DOCK8: variants seen among roughly 807,000 people sequenced by gnomAD.
The protein encoded by DOCK8 is dedicator of cytokinesis protein 8.
DOCK8 carries 141 observed loss-of-function variants against 245.6 expected under a neutral mutation model. The ratio of observed to expected loss-of-function variants is 0.57; its 90% CI spans 0.50 to 0.66. The LOEUF (loss-of-function observed/expected upper bound fraction) is 0.66, where lower values mean the gene tolerates loss of function less well. Ranked by LOEUF, DOCK8 falls within the 30% of genes least tolerant of loss-of-function variation. DOCK8 has a pLI of 0.00. For missense variants in DOCK8, 2,965 were observed against 2,603.4 expected (o/e 1.14, Z -3.02); for synonymous variants, 1,168 against 970.2 (o/e 1.20, Z -3.79).
chr9:418,120 A>G lies in DOCK8; in HGVS notation c.3753A>G (p.Gly1251=), dbSNP rs780463326. The G allele has an allele frequency of 6.2e-7, 1 of 1,614,216 alleles. No homozygotes were observed. Among genetic ancestry groups the G allele is most frequent in the Non-Finnish European group, 8.5e-7 (1 of 1,180,038 alleles). Residue 1251 remains glycine (G), a synonymous_variant, in exon 30 of 48, where the codon GGA becomes GGG. Transcript: ENST00000432829. ...RTSGSDEEQE[G]AGAINQNVAL... ...GTGGCTCGGATGAAGAACAAGAAGG[A>G]GCCGGTGCCATTAACCAGAATGTGG...
chr9:313,983 C>G (rs1235359793), intron 6 of DOCK8, among the ~76,000 whole-genome samples: 1 of 152,168 alleles, frequency 6.6e-6, no homozygotes, highest in Non-Finnish European at 1.5e-5. Flanking sequence ...GCAATATCAT[C>G]ATCTCCTTTC....
intron 26 of DOCK8, among the ~76,000 whole-genome samples, chr9:400,755 TCAC>T (rs1370209694): frequency 3.2e-4 from 1 of 3,100 alleles, no homozygotes; most frequent in Non-Finnish European, 5.4e-4. Flanking sequence ...ATCTTCACCA[TCAC>T]CACCACCTCC....
At chr9:408,886 A>G (rs62531897) in intron 28 of DOCK8, among the ~76,000 whole-genome samples, 6,153 of 121,014 alleles carry the variant, frequency 0.051, 372 homozygotes, top group African/African-American at 0.15. Flanking sequence ...ACACACACAC[A>G]CGCACACACG....
intron 4 of DOCK8, among the ~76,000 whole-genome samples, chr9:303,459 CAA>C (rs2049656075): frequency 6.6e-6 from 1 of 152,136 alleles, no homozygotes; most frequent in Non-Finnish European, 1.5e-5. Flanking sequence ...ACAGCCATAA[CAA>C]AGAACAAAAT....
intron 18 of DOCK8, 142 bp from the exon 19 acceptor site, chr9:376,068 T>C (rs1484273921): frequency 1.3e-5 from 9 of 711,942 alleles, no homozygotes; most frequent in Non-Finnish European, 2.0e-5. Context: ...GGCTCCTGAC[T>C]CCAAGAACAG....
intron 22 of DOCK8, among the ~76,000 whole-genome samples, chr9:385,309 G>A (rs1238872065): frequency 1.3e-5 from 2 of 151,946 alleles, no homozygotes; most frequent in African/African-American, 4.8e-5. Context: ...ATCAATGTTA[G>A]TTTCTTAGTT....
intron 1 of DOCK8, among the ~76,000 whole-genome samples, chr9:241,010 C>G (rs1317205796): frequency 6.6e-6 from 1 of 152,012 alleles, no homozygotes; most frequent in African/African-American, 2.4e-5. Flanking sequence ...TTCCTCTTAT[C>G]TTTTAGAAAA....
chr9:269,345 A>C (rs940274409), intron 1 of DOCK8, among the ~76,000 whole-genome samples: 1 of 151,318 alleles, frequency 6.6e-6, no homozygotes, highest in Non-Finnish European at 1.5e-5. Context: ...ACTTAGGATA[A>C]TGTTTCCAAG....
intron 44 of DOCK8, among the ~76,000 whole-genome samples, chr9:448,906 G>A (rs1407505690): frequency 6.6e-6 from 1 of 152,192 alleles, no homozygotes; most frequent in Non-Finnish European, 1.5e-5. Context: ...GCAGAACTTA[G>A]CAAATAGATT....
chr9:248,471 TC>T (rs1363174086), intron 1 of DOCK8, among the ~76,000 whole-genome samples: 1 of 151,146 alleles, frequency 6.6e-6, no homozygotes, highest in Non-Finnish European at 1.5e-5. Context: ...CCTTCCTCCC[TC>T]CCTCCTCTCT....
chr9:367,802 G>A (rs1022717079), intron 14 of DOCK8, among the ~76,000 whole-genome samples: 2 of 152,106 alleles, frequency 1.3e-5, no homozygotes, highest in African/African-American at 4.8e-5. Context: ...ATCTTTACTT[G>A]TAGCAAAACA....
intron 2 of DOCK8, among the ~76,000 whole-genome samples, chr9:282,952 C>A (rs1446242340): frequency 2.0e-5 from 3 of 152,124 alleles, no homozygotes; most frequent in Non-Finnish European, 4.4e-5. Flanking sequence ...TATTTACTTA[C>A]TATTATTACT....
rs374200503 is a variant in DOCK8 at position 276,598 on chromosome 9, A to G, written c.156+4869A>G. ...CCAGGTCTATTTGACACTCCTACCA[A>G]AATCCTTTGTGACCAGGGCTAGAAG... On this transcript the variant is annotated intron_variant, in intron 2 of 47. Coordinates refer to ENST00000432829, the MANE Select transcript of DOCK8 (RefSeq NM_203447.4). 1.0e-3 allele frequency among the ~76,000 whole-genome samples: 157 copies of G among 152,300 alleles called. 3 individuals carry two copies. In the South Asian group the frequency reaches 0.029, roughly 29 times the overall value.
chr9:329,770 C>T (rs1408054074), intron 9 of DOCK8, among the ~76,000 whole-genome samples: 1 of 152,208 alleles, frequency 6.6e-6, no homozygotes, highest in Non-Finnish European at 1.5e-5. Context: ...ATTAATCCGT[C>T]ATATTCTGCC....
chr9:243,082 C>G (rs1229094481), intron 1 of DOCK8, among the ~76,000 whole-genome samples: 1 of 152,086 alleles, frequency 6.6e-6, no homozygotes, highest in African/African-American at 2.4e-5. Context: ...ACTAAAGATT[C>G]TAAGCTTATT....
At chr9:301,175 G>C (rs936190177) in intron 4 of DOCK8, among the ~76,000 whole-genome samples, 6 of 152,154 alleles carry the variant, frequency 3.9e-5, no homozygotes, top group Admixed American at 6.5e-5. Context: ...TGGGATGCGA[G>C]GTTGGTTCAC....
At chr9:265,388 T>A (rs2048013408) in intron 1 of DOCK8, among the ~76,000 whole-genome samples, 1 of 152,232 alleles carries the variant, frequency 6.6e-6, no homozygotes, top group Non-Finnish European at 1.5e-5. Flanking sequence ...TTATACTGTG[T>A]GTTGTGGTTG....
In DOCK8 at chr9:463,695, C is replaced by T. The variant is rs2057883029; in HGVS notation, c.6239+8C>T. On this transcript the variant is annotated splice_region_variant and intron_variant, in intron 47 of 47. Transcript: ENST00000432829. Reference sequence around the variant, plus strand: ...AGTTGAGAGTCAAAAGAGGTAAGAACAGGGCAGAGGAGGCCTCTTCCTGTG... The same window carrying T: ...AGTTGAGAGTCAAAAGAGGTAAGAATAGGGCAGAGGAGGCCTCTTCCTGTG... 1 of 1,613,762 alleles carries T rather than the reference C, an allele frequency of 6.2e-7. No homozygotes were observed. Among genetic ancestry groups the T allele is most frequent in the Non-Finnish European group, 8.5e-7 (1 of 1,180,024 alleles).
chr9:401,678 G>A (rs559111138), intron 26 of DOCK8, among the ~76,000 whole-genome samples: 3 of 152,028 alleles, frequency 2.0e-5, no homozygotes, highest in Non-Finnish European at 4.4e-5. Flanking sequence ...AGCACCAGTC[G>A]ACAGTGAAGA....
Sources: allele counts gnomAD v4.1 joint callset (sites outside exome capture counted in the v4.1 genomes callset), GRCh38; gene constraint gnomAD v4.1.1; transcripts MANE v1.5; gene names NCBI Gene and HGNC (gene_info 2026-07-23, HGNC 2026-07-21).